Variants in ANKRD55 observed in about 807,000 individuals in gnomAD.
ANKRD55 encodes ankyrin repeat domain-containing protein 55.
Under a neutral mutation model 60.6 loss-of-function variants are expected in ANKRD55, and 41 were observed. The observed-to-expected ratio is 0.68, with a 90% confidence interval of 0.53 to 0.88. The LOEUF (loss-of-function observed/expected upper bound fraction) is 0.88. ANKRD55 is among the 40% of genes least tolerant of loss of function. The pLI, the probability that ANKRD55 is intolerant of heterozygous loss-of-function variation, is 0.00. For synonymous variants in ANKRD55, 264 were observed against 290.3 expected (o/e 0.91, Z 0.92); for missense variants, 732 against 767.6 (o/e 0.95, Z 0.55).
chr5:56,129,899 T>C (rs1223002194), intron 7 of ANKRD55, among the ~76,000 whole-genome samples: 1 of 152,226 alleles, frequency 6.6e-6, no homozygotes, highest in Non-Finnish European at 1.5e-5. Flanking sequence ...TGTGAGAAGA[T>C]GATCCTGGCT....
chr5:56,145,600 A>C (rs1757877656), intron 6 of ANKRD55, among the ~76,000 whole-genome samples: 1 of 152,250 alleles, frequency 6.6e-6, no homozygotes, highest in Admixed American at 6.5e-5. Context: ...GCAGTTAGCC[A>C]GCTCTGATAG....
At chr5:56,170,145 A>G (rs1336064733) in intron 5 of ANKRD55, among the ~76,000 whole-genome samples, 2 of 152,128 alleles carry the variant, frequency 1.3e-5, no homozygotes, top group African/African-American at 4.8e-5. Flanking sequence ...GCCTCCTCCC[A>G]GCTCCTAGAG....
At position 56,162,029 on chromosome 5, in the gene ANKRD55, C is replaced by T. The variant is rs117691660; in HGVS notation, c.423-2136G>A. Reference sequence around the variant, plus strand: ...TTTCTTTCCTTTCTGTCTTCTCTGGCTCATTATTGGCCATTGTTTACTCTC... The same window carrying T: ...TTTCTTTCCTTTCTGTCTTCTCTGGTTCATTATTGGCCATTGTTTACTCTC... On this transcript the variant is annotated intron_variant, in intron 5 of 11. Transcript: ENST00000341048. 1.4e-5 allele frequency: 14 copies of T among 985,316 alleles called. No homozygotes were observed. In the East Asian group the frequency reaches 1.1e-3, roughly 80 times the overall value. The allele number at this position is 985,316 out of a possible 1,614,324, so 61.0% of individuals were successfully genotyped here. A position where few individuals can be genotyped will look rare whatever the true frequency, so the allele number is the denominator to read the frequency against.
chr5:56,120,912 A>AC (rs1033261418), intron 8 of ANKRD55, among the ~76,000 whole-genome samples: 1 of 151,796 alleles, frequency 6.6e-6, no homozygotes, highest in African/African-American at 2.4e-5. Flanking sequence ...AAAAAAAAAA[A>AC]AAAAAAAGAT....
intron 7 of ANKRD55, chr5:56,127,433 C>T: frequency 3.0e-6 from 3 of 985,052 alleles, no homozygotes; most frequent in Non-Finnish European, 3.6e-6. Flanking sequence ...GGTGGGCCAC[C>T]TAGACAACAA....
At chr5:56,116,558 C>T in intron 9 of ANKRD55, 57 bp downstream of exon 9, 2 of 1,365,408 alleles carry the variant, frequency 1.5e-6, no homozygotes, top group Non-Finnish European at 1.9e-6. Flanking sequence ...AACATTTCAT[C>T]CAAATTTATA....
chr5:56,162,878 A>G (rs1758367193), intron 5 of ANKRD55, among the ~76,000 whole-genome samples: 2 of 152,066 alleles, frequency 1.3e-5, no homozygotes, highest in South Asian at 4.2e-4. Flanking sequence ...GTTTCACTAT[A>G]TTGCCCAGGC....
chr5:56,187,588 T>C, intron 2 of ANKRD55, among the ~76,000 whole-genome samples: 1 of 152,262 alleles, frequency 6.6e-6, no homozygotes, highest in East Asian at 1.9e-4. Flanking sequence ...CGCTGACTTC[T>C]ATCCCTCTGG....
intron 8 of ANKRD55, among the ~76,000 whole-genome samples, chr5:56,118,682 C>T (rs424561): frequency 0.5 from 76,392 of 151,552 alleles, 19,879 homozygotes; most frequent in African/African-American, 0.63. Context: ...TCTTTCAGAA[C>T]GGAACAATAA....
chr5:56,227,436 A>G (rs1362197474), intron 2 of ANKRD55, among the ~76,000 whole-genome samples: 1 of 152,152 alleles, frequency 6.6e-6, no homozygotes, highest in African/African-American at 2.4e-5. Flanking sequence ...ATGTATACAT[A>G]TGTAACAAAC....
chr5:56,129,368 A>G (rs560571661), intron 7 of ANKRD55, among the ~76,000 whole-genome samples: 2 of 152,370 alleles, frequency 1.3e-5, no homozygotes, highest in Admixed American at 6.5e-5. Flanking sequence ...CTGAGCTGCC[A>G]GATGATGATT....
chr5:56,180,838 C>G (rs973444720), intron 3 of ANKRD55, among the ~76,000 whole-genome samples: 10 of 152,184 alleles, frequency 6.6e-5, no homozygotes, highest in Non-Finnish European at 1.0e-4. Context: ...TTGGTAGGTT[C>G]CTTAGGAGTT....
intron 2 of ANKRD55, among the ~76,000 whole-genome samples, chr5:56,205,419 AT>A (rs1759477438): frequency 6.6e-6 from 1 of 152,216 alleles, no homozygotes; most frequent in South Asian, 2.1e-4. Flanking sequence ...AGAAGTTGGA[AT>A]TAATAAGACT....
intron 5 of ANKRD55, among the ~76,000 whole-genome samples, chr5:56,163,931 G>T (rs1758389098): frequency 2.0e-5 from 3 of 151,976 alleles, no homozygotes; most frequent in Admixed American, 2.0e-4. Context: ...GTCTGTAATA[G>T]AAATAGAAAA....
At chr5:56,153,057 A>G (rs1266960116) in intron 6 of ANKRD55, among the ~76,000 whole-genome samples, 2 of 152,234 alleles carry the variant, frequency 1.3e-5, no homozygotes, top group Non-Finnish European at 2.9e-5. Context: ...ATTAATATTC[A>G]GCATATAAAC....
intron 7 of ANKRD55, among the ~76,000 whole-genome samples, chr5:56,135,584 G>T (rs1757574241): frequency 1.3e-5 from 2 of 149,576 alleles, no homozygotes; most frequent in Admixed American, 6.6e-5. Context: ...TGCCAGGCTG[G>T]TCTTGAACTC....
intron 8 of ANKRD55, among the ~76,000 whole-genome samples, chr5:56,126,718 G>A (rs1757269464): frequency 6.6e-6 from 1 of 152,170 alleles, no homozygotes; most frequent in South Asian, 2.1e-4. Flanking sequence ...TGACAACACT[G>A]TACAGTCGCA....
intron 2 of ANKRD55, among the ~76,000 whole-genome samples, chr5:56,225,366 C>T (rs1188329936): frequency 4.6e-5 from 7 of 152,186 alleles, no homozygotes; most frequent in Admixed American, 6.5e-5. Flanking sequence ...GATAAACCCA[C>T]AGCCAATATC....
intron 2 of ANKRD55, among the ~76,000 whole-genome samples, chr5:56,189,983 A>C (rs1174380620): frequency 6.6e-6 from 1 of 152,208 alleles, no homozygotes; most frequent in African/African-American, 2.4e-5. Flanking sequence ...GCTAACACTT[A>C]TTATTTGTTG....
Sources: allele counts gnomAD v4.1 joint callset (sites outside exome capture counted in the v4.1 genomes callset), GRCh38; gene constraint gnomAD v4.1.1; transcripts MANE v1.5; gene names NCBI Gene and HGNC (gene_info 2026-07-23, HGNC 2026-07-21).